The following SPDYC variants were observed in gnomAD, a reference collection of about 807,000 sequenced individuals.
SPDYC encodes the protein speedy/RINGO cell cycle regulator family member C.
A neutral mutation model predicts 33.9 loss-of-function variants in SPDYC; 25 were observed. The ratio of observed to expected loss-of-function variants is 0.74; its 90% CI spans 0.54 to 1.03. The LOEUF (loss-of-function observed/expected upper bound fraction) is 1.03. SPDYC is among the 50% of genes least tolerant of loss of function. SPDYC has a pLI of 0.00. For missense variants in SPDYC, 349 were observed against 382.9 expected, an observed-to-expected ratio of 0.91 and a Z score of 0.74; for synonymous variants, 133 against 140.2, an observed-to-expected ratio of 0.95 and a Z score of 0.36.
Position 65,172,502 on chromosome 11 carries a change from GAA to G in SPDYC, c.416_417del (p.Lys139ArgfsTer15). The G allele has an allele frequency of 6.3e-7, 1 of 1,582,348 alleles. No homozygotes were observed. The highest frequency in any genetic ancestry group is 1.2e-5 in the South Asian group (1 of 85,984). On this transcript the variant is annotated frameshift_variant, in exon 5 of 7. Coordinates refer to ENST00000377185, the Ensembl canonical transcript of SPDYC. LOFTEE classifies it high-confidence loss of function. ...TGTGAGATTTTTCCATGGGCCCTGGGAAAAGATTGGTGTTTACGAGTGGGGAA... is the reference window on the plus strand; with the variant it reads ...TGTGAGATTTTTCCATGGGCCCTGGGAAGATTGGTGTTTACGAGTGGGGAA...
chr11:65,171,795 T>TAAGA (rs1444937885), intron 2 of SPDYC, 148 bp from the exon 3 acceptor site: 107 of 734,666 alleles, frequency 1.5e-4, no homozygotes, highest in Non-Finnish European at 1.7e-4. Flanking sequence ...CTATTTATAT[T>TAAGA]AAGAAAGAGA....
chr11:65,173,197 C>T, exon 7 of SPDYC: 1 of 1,614,012 alleles, frequency 6.2e-7, no homozygotes, highest in Non-Finnish European at 8.5e-7. Flanking sequence ...CCCAAAGCCT[C>T]CGGCACGCCC....
At chr11:65,173,351 C>T, downstream of SPDYC, 1 of 1,102,704 alleles carries the variant, frequency 9.1e-7, no homozygotes, top group Admixed American at 2.6e-5. Flanking sequence ...CTAATAAATT[C>T]ATGTCCACAG....
At chr11:65,173,358 A>T, downstream of SPDYC, 1 of 1,014,872 alleles carries the variant, frequency 9.9e-7, no homozygotes, top group Non-Finnish European at 1.4e-6. Context: ...ATTCATGTCC[A>T]CAGGACACCA....
chr11:65,170,298 G>A, intron 1 of SPDYC, 37 bp downstream of exon 1: 4 of 1,559,094 alleles, frequency 2.6e-6, no homozygotes, highest in Non-Finnish European at 3.5e-6. Context: ...GGTTGCTTGC[G>A]GGCGCCTAGA....
At chr11:65,170,242 T>A in exon 1 of SPDYC, 1 of 1,579,186 alleles carries the variant, frequency 6.3e-7, no homozygotes, top group Non-Finnish European at 8.6e-7. Context: ...TGTTATGCTC[T>A]GGGCCATTCC....
intron 4 of SPDYC, 22 bp from the exon 5 acceptor site, chr11:65,172,412 G>A (rs1331241887): frequency 6.2e-7 from 1 of 1,610,760 alleles, no homozygotes; most frequent in Non-Finnish European, 8.5e-7. Context: ...TCTGCTCCCT[G>A]ACCTTGTGCC....
At chr11:65,172,216 C>T (rs769197022) in intron 3 of SPDYC, 30 bp from the exon 4 acceptor site, 1 of 1,613,244 alleles carries the variant, frequency 6.2e-7, no homozygotes. Flanking sequence ...CAGAGAATAA[C>T]TAACCCCCCA....
exon 2 of SPDYC, chr11:65,171,382 A>G (rs763990589): frequency 6.2e-7 from 1 of 1,611,286 alleles, no homozygotes; most frequent in Non-Finnish European, 8.5e-7. Context: ...AGACCCCACC[A>G]CTTCCCCTGT....
rs762294057 is a variant in SPDYC at position 65,172,752 on chromosome 11, GAGGGTCTGTCCAC to G, written c.589_601del (p.Val197SerfsTer40). On this transcript the variant is annotated frameshift_variant, in exon 6 of 7. Transcript: ENST00000377185. LOFTEE classifies it high-confidence loss of function. ...GGCGCCCCCACCATGGTGGGGTTCA[GAGGGTCTGTCCAC>G]AGGTCCCTGTTCGCCTTCCCCGGGG... 17 of 1,613,830 alleles carry G rather than the reference GAGGGTCTGTCCAC, an allele frequency of 1.1e-5. No individual in the cohort carries two copies. Among genetic ancestry groups the G allele is most frequent in the Non-Finnish European group, 1.3e-5 (15 of 1,180,018 alleles).
At chr11:65,172,378 A>C (rs1344298428) in intron 4 of SPDYC, 47 bp downstream of exon 4, 1 of 1,613,940 alleles carries the variant, frequency 6.2e-7, no homozygotes, top group African/African-American at 1.3e-5. Flanking sequence ...GAGGTGTCAG[A>C]TGGGACAGGG....
intron 4 of SPDYC, 47 bp downstream of exon 4, chr11:65,172,378 A>T (rs1344298428): frequency 6.2e-7 from 1 of 1,614,058 alleles, no homozygotes; most frequent in East Asian, 2.2e-5. Context: ...GAGGTGTCAG[A>T]TGGGACAGGG....
chr11:65,171,958 A>C lies in SPDYC; in HGVS notation c.215A>C (p.Gln72Pro). 6 of 1,614,092 alleles carry C rather than the reference A, an allele frequency of 3.7e-6. No individual in the cohort carries two copies. Among genetic ancestry groups the C allele is most frequent in the Non-Finnish European group, 4.2e-6 (5 of 1,179,986 alleles). The stretch of plus-strand genomic sequence containing the variant: ...CTACCCTCAGAGGACAGTTTTGTCC[A>C]GGAATTCCTCTCCAAAGACCCCTGC... The change falls in exon 3 of 7, where the codon CAG becomes CCG. Residue 72 changes from glutamine (Q) to proline (P), a missense_variant. Physicochemically the swap from Gln to Pro is moderately conservative, Grantham distance 76. Transcript: ENST00000377185.
exon 6 of SPDYC, chr11:65,172,917 A>G (rs1948455498): frequency 6.2e-7 from 1 of 1,613,670 alleles, no homozygotes. Context: ...CTCCCTCCCA[A>G]AATTATCTCT....
downstream of SPDYC, chr11:65,173,287 C>T (rs1590841865): frequency 6.5e-7 from 1 of 1,546,984 alleles, no homozygotes; most frequent in East Asian, 2.3e-5. Flanking sequence ...GTGCTCCCAC[C>T]CCTGCCCCTT....
downstream of SPDYC, chr11:65,173,288 C>T (rs1469592725): frequency 6.5e-7 from 1 of 1,537,702 alleles, no homozygotes; most frequent in Admixed American, 2.0e-5. Context: ...TGCTCCCACC[C>T]CTGCCCCTTC....
chr11:65,171,575 T>C, intron 2 of SPDYC, 76 bp downstream of exon 2: 6 of 1,409,062 alleles, frequency 4.3e-6, no homozygotes. Flanking sequence ...GGGTCTCACC[T>C]GCCTGTACAG....
intron 1 of SPDYC, among the ~76,000 whole-genome samples, chr11:65,170,465 A>C (rs1263243821): frequency 6.6e-6 from 1 of 151,940 alleles, no homozygotes; most frequent in African/African-American, 2.4e-5. Context: ...GTATTTTTCT[A>C]ATTTCATTCC....
At chr11:65,171,241 C>T (rs1590839904) in intron 1 of SPDYC, 86 bp from the exon 2 acceptor site, 8 of 1,442,042 alleles carry the variant, frequency 5.5e-6, no homozygotes, top group Non-Finnish European at 7.4e-6. Context: ...ACCCACCCCT[C>T]CACCGTCCTG....
Sources: gnomAD v4.1 joint callset for allele counts (sites outside exome capture counted in the v4.1 genomes callset) on GRCh38, gnomAD v4.1.1 for gene constraint, MANE v1.5 for transcripts, NCBI Gene and HGNC (gene_info 2026-07-23, HGNC 2026-07-21) for gene names.